The following CLEC2A variants were observed in gnomAD, a reference collection of about 807,000 sequenced individuals.
The protein encoded by CLEC2A is C-type lectin domain family 2 member A.
Under a neutral mutation model 18.6 loss-of-function variants are expected in CLEC2A, and 19 were observed. That is an observed-to-expected ratio of 1.02 (90% CI 0.71 to 1.50). CLEC2A has a LOEUF of 1.50. Among genes scored for constraint, CLEC2A ranks in the 40% most tolerant of loss-of-function variants. The probability of loss-of-function intolerance (pLI) is 0.00; values close to 1 mark genes in which losing one functional copy is unlikely to be tolerated. For synonymous variants in CLEC2A, 74 were observed against 64.0 expected (o/e 1.16, Z -0.75); for missense variants, 190 against 207.9 (o/e 0.91, Z 0.53).
chr12:9,900,680 C>G (rs914399823), intron 4 of CLEC2A, among the ~76,000 whole-genome samples: 1 of 152,160 alleles, frequency 6.6e-6, no homozygotes, highest in African/African-American at 2.4e-5. Context: ...CTTGGAGCTT[C>G]TAGACCTGTT....
the CLEC2A span, among the ~76,000 whole-genome samples, chr12:9,888,932 C>G: frequency 1.3e-5 from 2 of 152,112 alleles, no homozygotes; most frequent in Non-Finnish European, 2.9e-5. Context: ...TCCTCAGTGC[C>G]ATTGCTGTGT....
downstream of CLEC2A, among the ~76,000 whole-genome samples, chr12:9,910,036 A>C (rs1180482204): frequency 6.6e-6 from 1 of 152,156 alleles, no homozygotes; most frequent in Non-Finnish European, 1.5e-5. Context: ...AACAAAGAGC[A>C]TACTCTATAT....
At chr12:9,921,469 C>T (rs903542002) in intron 3 of CLEC2A, among the ~76,000 whole-genome samples, 8 of 152,056 alleles carry the variant, frequency 5.3e-5, no homozygotes, top group African/African-American at 1.9e-4. Context: ...CACCTGTAGT[C>T]CCAGCTACTC....
the CLEC2A span, among the ~76,000 whole-genome samples, chr12:9,884,321 A>C: frequency 2.6e-5 from 4 of 151,990 alleles, no homozygotes; most frequent in Admixed American, 6.6e-5. Context: ...ATCTAATACT[A>C]CCTAAGCTGA....
chr12:9,900,912 T>G (rs928752037), intron 4 of CLEC2A, among the ~76,000 whole-genome samples: 1 of 152,180 alleles, frequency 6.6e-6, no homozygotes, highest in African/African-American at 2.4e-5. Context: ...ATTGCACTGA[T>G]GCAAACAACC....
chr12:9,888,834 G>C, the CLEC2A span: 2 of 1,100,174 alleles, frequency 1.8e-6, no homozygotes, highest in East Asian at 2.6e-5. Flanking sequence ...TTTAGTTTTG[G>C]CTTCCCTCTT....
the CLEC2A span, among the ~76,000 whole-genome samples, chr12:9,883,999 C>T: frequency 6.6e-6 from 1 of 152,192 alleles, no homozygotes; most frequent in African/African-American, 2.4e-5. Context: ...TCTCAAATTA[C>T]TTTGCTTTCT....
chr12:9,902,876 C>T (rs1862853481), intron 4 of CLEC2A, among the ~76,000 whole-genome samples: 1 of 152,128 alleles, frequency 6.6e-6, no homozygotes, highest in Non-Finnish European at 1.5e-5. Flanking sequence ...CTAAATTAGT[C>T]CCAGTTGGCT....
chr12:9,896,676 C>T (rs560444), downstream of CLEC2A, among the ~76,000 whole-genome samples: 124,540 of 152,058 alleles, frequency 0.82, 51,213 homozygotes, highest in African/African-American at 0.9. Context: ...TGAGGTCAAA[C>T]TGATATACAA....
At chr12:9,906,042 A>G (rs1338253564) in intron 4 of CLEC2A, among the ~76,000 whole-genome samples, 1 of 116,032 alleles carries the variant, frequency 8.6e-6, no homozygotes, top group Admixed American at 8.3e-5. Context: ...TTTTTTTTAC[A>G]TATTAGACAG....
intron 2 of CLEC2A, among the ~76,000 whole-genome samples, chr12:9,923,915 T>C (rs1863218531): frequency 1.3e-5 from 2 of 151,558 alleles, no homozygotes; most frequent in Admixed American, 6.6e-5. Flanking sequence ...ATATCACACA[T>C]TGGGGTGATG....
At chr12:9,914,964 C>T (rs1863046411) in intron 4 of CLEC2A, among the ~76,000 whole-genome samples, 1 of 151,772 alleles carries the variant, frequency 6.6e-6, no homozygotes, top group African/African-American at 2.4e-5. Flanking sequence ...ACCCATCTGT[C>T]AAAGGTCTAA....
downstream of CLEC2A, among the ~76,000 whole-genome samples, chr12:9,895,456 G>A (rs1225178379): frequency 6.6e-6 from 1 of 152,234 alleles, no homozygotes; most frequent in Non-Finnish European, 1.5e-5. Flanking sequence ...AGAGGTTTGA[G>A]AGGTAAGGAA....
chr12:9,899,909 C>T (rs1862802482), intron 4 of CLEC2A, among the ~76,000 whole-genome samples: 1 of 152,142 alleles, frequency 6.6e-6, no homozygotes, highest in African/African-American at 2.4e-5. Flanking sequence ...AGGGCTTTGA[C>T]CTGAAGCTTG....
chr12:9,879,091 G>C, the CLEC2A span, among the ~76,000 whole-genome samples: 1 of 151,928 alleles, frequency 6.6e-6, no homozygotes, highest in African/African-American at 2.4e-5. Flanking sequence ...TTAGTAATCA[G>C]AGTTTTCATC....
intron 1 of CLEC2A, among the ~76,000 whole-genome samples, chr12:9,927,407 C>T (rs1390589224): frequency 6.6e-6 from 1 of 152,102 alleles, no homozygotes; most frequent in East Asian, 1.9e-4. Flanking sequence ...TTGACCAAAA[C>T]ATTGTTCTAT....
At chr12:9,886,097 GA>G in the CLEC2A span, among the ~76,000 whole-genome samples, 2 of 152,022 alleles carry the variant, frequency 1.3e-5, no homozygotes. Context: ...TTCTTTTAAA[GA>G]AAAACGCTAT....
At position 9,925,173 on chromosome 12, in the gene CLEC2A, A is replaced by G. The variant is rs142005247; in HGVS notation, c.139+1087T>C. ...AAGACGTGCATGTCACGTCAAACTT[A>G]TATTAACTAAACGCATGTGCTTTGC... On this transcript the variant is annotated intron_variant, in intron 2 of 4. Transcript: ENST00000455827. 1.8e-3 allele frequency among the ~76,000 whole-genome samples: 272 copies of G among 152,382 alleles called. 2 individuals are homozygous for G. Among genetic ancestry groups the G allele is most frequent in the African/African-American group, 6.2e-3 (256 of 41,588 alleles).
chr12:9,905,641 T>C (rs1862896244), intron 4 of CLEC2A, among the ~76,000 whole-genome samples: 1 of 152,164 alleles, frequency 6.6e-6, no homozygotes. Context: ...GTTAGGTGGT[T>C]CTTCGGAGTC....
Sources: gnomAD v4.1 joint callset for allele counts (sites outside exome capture counted in the v4.1 genomes callset) on GRCh38, gnomAD v4.1.1 for gene constraint, MANE v1.5 for transcripts, NCBI Gene and HGNC (gene_info 2026-07-23, HGNC 2026-07-21) for gene names.